FRAS1: variants seen among roughly 807,000 people sequenced by gnomAD.
The protein encoded by FRAS1 is Fraser extracellular matrix complex subunit 1, also known as extracellular matrix organizing protein FRAS1.
In FRAS1, 290 loss-of-function variants were observed where a neutral mutation model predicts 435.2. The observed-to-expected ratio is 0.67, with a 90% CI of 0.61 to 0.73. The LOEUF (loss-of-function observed/expected upper bound fraction) is 0.73. FRAS1 is among the 30% of genes least tolerant of loss of function. FRAS1 has a pLI of 0.00. For synonymous variants in FRAS1, 1,800 were observed against 1,851.0 expected, an observed-to-expected ratio of 0.97 and a Z score of 0.71; for missense variants, 4,860 against 5,001.5, an observed-to-expected ratio of 0.97 and a Z score of 0.85.
chr4:78,316,017 T>A (rs1729230845), intron 16 of FRAS1, among the ~76,000 whole-genome samples: 10 of 152,264 alleles, frequency 6.6e-5, no homozygotes, highest in Admixed American at 6.5e-4. Context: ...AGTCCTTGTT[T>A]ACTTGTAAAC....
intron 13 of FRAS1, among the ~76,000 whole-genome samples, chr4:78,285,178 T>G (rs1727524741): frequency 6.6e-6 from 1 of 151,896 alleles, no homozygotes; most frequent in Non-Finnish European, 1.5e-5. Flanking sequence ...ATTTCTGACT[T>G]ATGATGTTAA....
rs373332959 is a variant in FRAS1, at chr4:78,481,789, T to C, written c.8444-15T>C. 230 of 1,613,428 alleles carry C rather than the reference T, an allele frequency of 1.4e-4. 5 individuals carry two copies. In the South Asian group the frequency reaches 2.4e-3, roughly 17 times the overall value. ...TCAAAGTTGACCATTAAAATCTCTA[T>C]GAATCTTAATTCAGGCACAGTAAAG... On this transcript the variant is annotated splice_polypyrimidine_tract_variant and intron_variant, in intron 56 of 73. Coordinates refer to ENST00000512123, the MANE Select transcript of FRAS1 (RefSeq NM_025074.7).
At chr4:78,071,653 C>T (rs1740354144) in intron 2 of FRAS1, 1 of 152,138 alleles carries the variant, frequency 6.6e-6, no homozygotes, top group African/African-American at 2.4e-5. Context: ...TAGCTACGAG[C>T]CACATGTGGT....
intron 18 of FRAS1, among the ~76,000 whole-genome samples, chr4:78,323,204 A>C (rs1358148488): frequency 6.6e-6 from 1 of 152,242 alleles, no homozygotes; most frequent in Non-Finnish European, 1.5e-5. Context: ...GTGTGGCTAG[A>C]ATTGCTGGCA....
At chr4:78,420,636 G>A (rs891789522) in intron 33 of FRAS1, among the ~76,000 whole-genome samples, 3 of 108,892 alleles carry the variant, frequency 2.8e-5, no homozygotes, top group African/African-American at 8.7e-5. Context: ...CAGAGTCTAA[G>A]GAGTTTCTGA....
intron 35 of FRAS1, among the ~76,000 whole-genome samples, chr4:78,424,723 C>T (rs2110378220): frequency 6.6e-6 from 1 of 151,956 alleles, no homozygotes; most frequent in South Asian, 2.1e-4. Flanking sequence ...GGGAGCATCA[C>T]TTAAGCCCAG....
chr4:78,336,816 G>A (rs1368135610), intron 19 of FRAS1, among the ~76,000 whole-genome samples: 2 of 152,146 alleles, frequency 1.3e-5, no homozygotes, highest in African/African-American at 4.8e-5. Flanking sequence ...CTTGGACTCA[G>A]ACCTGCTTAG....
intron 47 of FRAS1, among the ~76,000 whole-genome samples, chr4:78,460,909 A>G (rs1387158208): frequency 6.6e-6 from 1 of 152,220 alleles, no homozygotes; most frequent in Non-Finnish European, 1.5e-5. Flanking sequence ...CCTCTTAGGT[A>G]TAGATTATAG....
chr4:78,117,209 T>A (rs563236529), intron 2 of FRAS1, among the ~76,000 whole-genome samples: 82 of 152,380 alleles, frequency 5.4e-4, no homozygotes, highest in Non-Finnish European at 8.7e-4. Context: ...CAGCTGTTGG[T>A]CTGATGGGCT....
In FRAS1 at chr4:78,543,101, G is replaced by A. The variant is rs1299497163; in HGVS notation, c.*1977G>A. On this transcript the variant is annotated 3_prime_UTR_variant, in exon 74 of 74. Transcript: ENST00000512123. ...GAGAATGAGTTGGGGTGAGCCCAGA[G>A]TCTGAAACTCCTGACTGGTCAGGTG... is the stretch of plus-strand genomic sequence containing the variant. 1 of 152,182 alleles carries A rather than the reference G, an allele frequency of 6.6e-6. No individual in the cohort carries two copies. The highest frequency in any genetic ancestry group is 1.5e-5 in the Non-Finnish European group (1 of 68,034). The allele number at this position is 152,182 out of a possible 1,614,324, so 9.4% of individuals were successfully genotyped here.
rs1719757913 is a variant in FRAS1 at position 78,473,103 on chromosome 4, T to C, written c.7523-335T>C. Among the ~76,000 whole-genome samples, 3 of 152,158 alleles carry C rather than the reference T, an allele frequency of 2.0e-5. No individual in the cohort carries two copies. The South Asian group carries it at 6.2e-4, about 32-fold the overall frequency. Reference sequence around the variant, plus strand: ...ACACAGAGGATGGAGTCAAAGACTTTCCTCTGTCAACTCTAGGATTTGCCA... The same window carrying C: ...ACACAGAGGATGGAGTCAAAGACTTCCCTCTGTCAACTCTAGGATTTGCCA... On this transcript the variant is annotated intron_variant, in intron 52 of 73. Transcript: ENST00000512123.
intron 2 of FRAS1, among the ~76,000 whole-genome samples, chr4:78,105,717 A>C (rs1300940829): frequency 6.6e-6 from 1 of 152,134 alleles, no homozygotes; most frequent in Admixed American, 6.6e-5. Context: ...CAGTGAATAA[A>C]TTGTGAAATG....
At chr4:78,531,377 T>A (rs1034966807) in intron 70 of FRAS1, among the ~76,000 whole-genome samples, 1 of 152,198 alleles carries the variant, frequency 6.6e-6, no homozygotes, top group Non-Finnish European at 1.5e-5. Context: ...CAATACTACG[T>A]TGAATAGGAG....
chr4:78,445,538 T>A lies in FRAS1; in HGVS notation c.5682T>A (p.Pro1894=). ...ENTGTGDRFG[P]ETASDLEASF... ...TTGATGCAGGTGATCGTTTTGGCCC[T>A]GAAACTGCCAGTGACCTAGAGGCAT... Residue 1894 remains proline (P), a synonymous_variant, in exon 42 of 74, where the codon CCT becomes CCA. Coordinates refer to ENST00000512123, the MANE Select transcript of FRAS1 (RefSeq NM_025074.7). 1 of 1,577,600 alleles carries A rather than the reference T, an allele frequency of 6.3e-7. No individual in the cohort carries two copies. Among genetic ancestry groups the A allele is most frequent in the Non-Finnish European group, 8.6e-7 (1 of 1,158,450 alleles).
Position 78,166,439 on chromosome 4 carries a change from G to C in FRAS1, c.109-71071G>C, listed in dbSNP as rs75896171. The stretch of plus-strand genomic sequence containing the variant: ...TGGACTAATAAGACTTTTCTTTTTG[G>C]TCATCCTTATATTTATACATATGAA... On this transcript the variant is annotated intron_variant, in intron 2 of 73. Coordinates refer to ENST00000512123, the MANE Select transcript of FRAS1 (RefSeq NM_025074.7). 9.2e-3 allele frequency among the ~76,000 whole-genome samples: 1,402 copies of C among 151,980 alleles called. 23 individuals are homozygous for C. The highest frequency in any genetic ancestry group is 0.032 in the African/African-American group (1,318 of 41,472).
intron 2 of FRAS1, among the ~76,000 whole-genome samples, chr4:78,112,479 G>C (rs1742796374): frequency 6.6e-6 from 1 of 151,890 alleles, no homozygotes; most frequent in Non-Finnish European, 1.5e-5. Flanking sequence ...TTTTTTTGAG[G>C]TCCCTGGCTT....
chr4:78,348,117 C>T (rs1404383202), intron 20 of FRAS1, among the ~76,000 whole-genome samples: 1 of 40,752 alleles, frequency 2.5e-5, no homozygotes, highest in African/African-American at 3.1e-4. Flanking sequence ...AGACAGTGGG[C>T]GCAGGCCAGT....
At chr4:78,368,170 C>G (rs1480462794) in intron 22 of FRAS1, among the ~76,000 whole-genome samples, 3 of 151,358 alleles carry the variant, frequency 2.0e-5, no homozygotes, top group African/African-American at 7.3e-5. Flanking sequence ...AAAATTTGGT[C>G]TCATCTAAGC....
chr4:78,167,473 T>A (rs72860700), intron 2 of FRAS1, among the ~76,000 whole-genome samples: 9,213 of 151,998 alleles, frequency 0.061, 359 homozygotes, highest in Admixed American at 0.09. Context: ...CAATCCAGGA[T>A]GGGTAGGCAG....
Sources: allele counts gnomAD v4.1 joint callset (sites outside exome capture counted in the v4.1 genomes callset), GRCh38; gene constraint gnomAD v4.1.1; transcripts MANE v1.5; gene names NCBI Gene and HGNC (gene_info 2026-07-23, HGNC 2026-07-21).